The following SLC15A4 variants were observed in gnomAD, a reference collection of about 807,000 sequenced individuals.
SLC15A4 encodes solute carrier family 15 member 4, also known as hPHT1.
In SLC15A4, 26 loss-of-function variants were observed where a neutral mutation model predicts 46.1. The ratio of observed to expected loss-of-function variants is 0.56; its 90% CI spans 0.41 to 0.78. The LOEUF (loss-of-function observed/expected upper bound fraction) is 0.78. SLC15A4 is among the 30% of genes least tolerant of loss of function. The pLI, the probability that SLC15A4 is intolerant of heterozygous loss-of-function variation, is 0.00. For missense variants in SLC15A4, 751 were observed against 755.7 expected, an observed-to-expected ratio of 0.99 and a Z score of 0.07; for synonymous variants, 370 against 333.4, an observed-to-expected ratio of 1.11 and a Z score of -1.20.
In SLC15A4 at chr12:128,806,809, G is replaced by A. The variant is rs79778383; in HGVS notation, c.1258+1979C>T. 4.8e-3 allele frequency among the ~76,000 whole-genome samples: 723 copies of A among 151,670 alleles called. 4 individuals carry two copies. The highest frequency in any genetic ancestry group is 7.9e-3 in the Non-Finnish European group (535 of 67,924). ...TCAGAGCGCATGCCTCCCCATAGGC[G>A]CCAACACTCAGTAAGAAGGCAAGCA... On this transcript the variant is annotated intron_variant, in intron 5 of 7. Coordinates refer to ENST00000266771, the MANE Select transcript of SLC15A4 (RefSeq NM_145648.4).
intron 7 of SLC15A4, among the ~76,000 whole-genome samples, chr12:128,798,976 G>A (rs1195150572): frequency 2.0e-5 from 3 of 152,210 alleles, no homozygotes; most frequent in Non-Finnish European, 2.9e-5. Context: ...GGACGTCCCC[G>A]TAAGGAGCGG....
intron 5 of SLC15A4, among the ~76,000 whole-genome samples, chr12:128,803,824 C>T (rs1288005909): frequency 4.6e-5 from 7 of 151,628 alleles, no homozygotes; most frequent in South Asian, 2.1e-4. Flanking sequence ...ACAACATGTC[C>T]GGGACGACAC....
At chr12:128,810,710 G>C (rs1385428882) in intron 2 of SLC15A4, among the ~76,000 whole-genome samples, 1 of 152,168 alleles carries the variant, frequency 6.6e-6, no homozygotes, top group Non-Finnish European at 1.5e-5. Flanking sequence ...GGTGCTGGTG[G>C]TGATGAGAGG....
At position 128,823,387 on chromosome 12, in the gene SLC15A4, G is replaced by A. The variant is rs923490832; in HGVS notation, c.546+11C>T. 4 of 1,406,742 alleles carry A rather than the reference G, an allele frequency of 2.8e-6. No homozygotes were observed. The highest frequency in any genetic ancestry group is 3.0e-5 in the African/African-American group (2 of 66,504). 87.1% of individuals were successfully genotyped at this position (1,406,742 alleles called of 1,614,324 possible). ...ACAGGGACAGGGACAGCGCGCGGGG[G>A]CGCGGCTCACCTGGTCGGCGCCGAA... On this transcript the variant is annotated intron_variant, in intron 1 of 7. Coordinates refer to ENST00000266771, the MANE Select transcript of SLC15A4 (RefSeq NM_145648.4).
intron 5 of SLC15A4, among the ~76,000 whole-genome samples, chr12:128,807,698 T>C (rs1335970672): frequency 2.0e-5 from 3 of 152,254 alleles, no homozygotes; most frequent in African/African-American, 7.2e-5. Context: ...TCTCTGCCCA[T>C]GCTTATTTCC....
intron 1 of SLC15A4, among the ~76,000 whole-genome samples, chr12:128,822,103 C>G (rs1049959481): frequency 1.3e-5 from 2 of 152,008 alleles, no homozygotes; most frequent in African/African-American, 4.8e-5. Flanking sequence ...TCACTTCCCA[C>G]TTTTTTTTAT....
At chr12:128,799,591 A>T (rs142374566) in intron 6 of SLC15A4, among the ~76,000 whole-genome samples, 174 bp from the exon 7 acceptor site, 97 of 152,320 alleles carry the variant, frequency 6.4e-4, no homozygotes, top group Middle Eastern at 3.4e-3. Context: ...ACCAAGAATC[A>T]ATGGCTATGG....
chr12:128,796,727 C>T (rs1285850401), intron 7 of SLC15A4, among the ~76,000 whole-genome samples: 2 of 152,268 alleles, frequency 1.3e-5, no homozygotes, highest in African/African-American at 4.8e-5. Flanking sequence ...TGTCCCAACA[C>T]TGGCATTTGA....
In SLC15A4 at chr12:128,799,387, T is replaced by G; in HGVS notation, c.1445A>C (p.Lys482Thr). 4.3e-6 allele frequency: 7 copies of G among 1,614,102 alleles called. No individual in the cohort carries two copies. Among genetic ancestry groups the G allele is most frequent in the African/African-American group, 4.0e-5 (3 of 75,026 alleles). ...GLEFAYSAAP[K>T]SMQSAIMGLF... is the part of the protein sequence containing the mutation. ...GCCCATTATGGCACTCTGCATGGAC[T>G]TGGGGGCAGCTGAGTATGCAAATTC... is the stretch of plus-strand genomic sequence containing the variant. The change falls in exon 7 of 8, where the codon AAG becomes ACG. Residue 482 changes from lysine (K) to threonine (T), a missense_variant. Lys to Thr is a moderately conservative substitution (Grantham distance 78). Coordinates refer to ENST00000266771, the MANE Select transcript of SLC15A4 (RefSeq NM_145648.4).
At chr12:128,813,923 C>CAATA (rs10688448) in intron 2 of SLC15A4, 90,800 of 152,606 alleles carry the variant, frequency 0.59, 27,262 homozygotes, top group Non-Finnish European at 0.65. Context: ...AATTATTCCT[C>CAATA]AATAAAGAGT....
intron 1 of SLC15A4, among the ~76,000 whole-genome samples, chr12:128,820,667 C>T (rs1210003516): frequency 6.8e-6 from 1 of 146,648 alleles, no homozygotes; most frequent in Non-Finnish European, 1.5e-5. Flanking sequence ...ACTAAGTAGT[C>T]GTGTAGACAT....
At chr12:128,814,715 G>A (rs1477892707) in intron 2 of SLC15A4, 60 bp downstream of exon 2, 12 of 1,553,024 alleles carry the variant, frequency 7.7e-6, no homozygotes, top group African/African-American at 1.4e-5. Context: ...AAGCTAGGAT[G>A]TTAATAAAGA....
chr12:128,816,408 T>G (rs1354814105), intron 1 of SLC15A4, among the ~76,000 whole-genome samples: 1 of 152,240 alleles, frequency 6.6e-6, no homozygotes, highest in Non-Finnish European at 1.5e-5. Flanking sequence ...TCTTAAAAAC[T>G]TCTACTGTCT....
chr12:128,805,977 C>A (rs143622260), intron 5 of SLC15A4, among the ~76,000 whole-genome samples: 1 of 151,492 alleles, frequency 6.6e-6, no homozygotes, highest in Non-Finnish European at 1.5e-5. Flanking sequence ...GTCAGGAGAT[C>A]GAGACCACGA....
intron 2 of SLC15A4, 98 bp downstream of exon 2, chr12:128,814,677 C>A (rs1252344907): frequency 7.7e-7 from 1 of 1,302,366 alleles, no homozygotes; most frequent in Non-Finnish European, 1.1e-6. Context: ...AGCCCAGGCC[C>A]AGCACACAAT....
intron 1 of SLC15A4, among the ~76,000 whole-genome samples, chr12:128,817,509 A>T (rs1223716648): frequency 6.6e-6 from 1 of 152,188 alleles, no homozygotes; most frequent in Non-Finnish European, 1.5e-5. Flanking sequence ...CCTTCCCATT[A>T]CCCACAGTGA....
At chr12:128,812,896 T>C (rs77611200) in intron 2 of SLC15A4, among the ~76,000 whole-genome samples, 3 of 147,750 alleles carry the variant, frequency 2.0e-5, no homozygotes, top group African/African-American at 5.0e-5. Context: ...TGCTTTTTTT[T>C]CCCTTATTTT....
intron 7 of SLC15A4, among the ~76,000 whole-genome samples, chr12:128,796,011 A>C (rs535042680): frequency 1.0e-3 from 158 of 152,250 alleles, no homozygotes; most frequent in Non-Finnish European, 1.8e-3. Context: ...GTTTATTTTA[A>C]AAAGTGAGAC....
In SLC15A4 at chr12:128,799,286, C is replaced by A. The variant is rs202110778; in HGVS notation, c.1546G>T (p.Gly516Ter). 1 of 1,614,092 alleles carries A rather than the reference C, an allele frequency of 6.2e-7. No individual in the cohort carries two copies. The highest frequency in any genetic ancestry group is 8.5e-7 in the Non-Finnish European group (1 of 1,180,032). Residue 516 changes from glycine (G) to a stop codon, truncating the protein, a stop_gained, in exon 7 of 8, where the codon GGA becomes TGA. Transcript: ENST00000266771. LOFTEE classifies it high-confidence loss of function. ...AAGTCTGTGTGACTGCTCATCCATC[C>A]GATGGCTTTGATAGACACCAGTGCC... is the stretch of plus-strand genomic sequence containing the variant. ...LLALVSIKAI[G>*]WMSSHTDFGN... is the part of the protein sequence containing the mutation.
Sources: gnomAD v4.1 joint callset for allele counts (sites outside exome capture counted in the v4.1 genomes callset) on GRCh38, gnomAD v4.1.1 for gene constraint, MANE v1.5 for transcripts, NCBI Gene and HGNC (gene_info 2026-07-23, HGNC 2026-07-21) for gene names.